RARB: variants seen among roughly 807,000 people sequenced by gnomAD.
RARB encodes the protein retinoic acid receptor beta.
A neutral mutation model predicts 51.9 loss-of-function variants in RARB; 17 were observed. That is an observed-to-expected ratio of 0.33 (90% CI 0.22 to 0.49). RARB has a LOEUF of 0.49. Ranked by LOEUF, RARB falls within the 20% of genes least tolerant of loss-of-function variation. The pLI, the probability that RARB is intolerant of heterozygous loss-of-function variation, is 0.99. For missense variants in RARB, 369 were observed against 550.8 expected (o/e 0.67, Z 3.30); for synonymous variants, 215 against 195.4 (o/e 1.10, Z -0.84).
chr3:24,849,098 C>T (rs545219455), intron 1 of RARB, among the ~76,000 whole-genome samples: 1 of 152,146 alleles, frequency 6.6e-6, no homozygotes, highest in East Asian at 1.9e-4. Flanking sequence ...GTCCCAAACT[C>T]TATATATATT....
chr3:25,488,972 A>C (rs1696598719), intron 2 of RARB, among the ~76,000 whole-genome samples: 1 of 152,192 alleles, frequency 6.6e-6, no homozygotes, highest in African/African-American at 2.4e-5. Context: ...TTATCAACTA[A>C]AGTCAGGTAT....
intron 2 of RARB, among the ~76,000 whole-genome samples, chr3:24,923,801 G>A (rs1370980947): frequency 6.6e-6 from 1 of 152,156 alleles, no homozygotes; most frequent in Non-Finnish European, 1.5e-5. Flanking sequence ...AGAGCTTGAA[G>A]AAATAACTAG....
chr3:25,365,922 C>T (rs1357496618), intron 5 of RARB, among the ~76,000 whole-genome samples: 1 of 152,216 alleles, frequency 6.6e-6, no homozygotes, highest in Non-Finnish European at 1.5e-5. Context: ...ACAACTGTGC[C>T]TCCATTCATG....
chr3:25,015,040 T>C (rs1025724596), intron 2 of RARB, among the ~76,000 whole-genome samples: 1 of 152,204 alleles, frequency 6.6e-6, no homozygotes, highest in Non-Finnish European at 1.5e-5. Context: ...TTTGAAGTGC[T>C]CGTAATCAGG....
At chr3:24,851,433 A>G (rs1019534188) in intron 1 of RARB, among the ~76,000 whole-genome samples, 20 of 152,030 alleles carry the variant, frequency 1.3e-4, no homozygotes, top group African/African-American at 4.6e-4. Context: ...GTCTCAAAAA[A>G]AAAAAAAAAA....
At chr3:25,327,160 C>T (rs1306674816) in intron 5 of RARB, among the ~76,000 whole-genome samples, 4 of 151,778 alleles carry the variant, frequency 2.6e-5, no homozygotes, top group Admixed American at 1.3e-4. Context: ...CAGCCCAGAA[C>T]GTTTAACATT....
chr3:25,049,821 G>T (rs1698290909), intron 2 of RARB, among the ~76,000 whole-genome samples: 2 of 152,184 alleles, frequency 1.3e-5, no homozygotes, highest in Non-Finnish European at 2.9e-5. Flanking sequence ...ACTTGAAACT[G>T]CCCAGTGTAC....
intron 5 of RARB, among the ~76,000 whole-genome samples, chr3:25,336,998 A>G (rs1705082638): frequency 6.6e-6 from 1 of 152,172 alleles, no homozygotes; most frequent in Admixed American, 6.6e-5. Context: ...ATAAATCGCC[A>G]TGGATGCAGT....
At chr3:24,953,087 G>T (rs956709357) in intron 2 of RARB, among the ~76,000 whole-genome samples, 1 of 152,176 alleles carries the variant, frequency 6.6e-6, no homozygotes, top group African/African-American at 2.4e-5. Context: ...GGGAGAGCTA[G>T]TAGAGAGCTG....
intron 3 of RARB, among the ~76,000 whole-genome samples, chr3:25,568,737 C>G (rs77915362): frequency 6.6e-6 from 1 of 152,222 alleles, no homozygotes; most frequent in African/African-American, 2.4e-5. Context: ...GTGCAGATTC[C>G]CAGGTCACAG....
At chr3:25,241,720 C>T (rs536827708) in intron 5 of RARB, among the ~76,000 whole-genome samples, 6 of 152,194 alleles carry the variant, frequency 3.9e-5, no homozygotes, top group South Asian at 4.1e-4. Flanking sequence ...TAACATTGAT[C>T]GGCATTTGGG....
chr3:25,592,662 G>A (rs989530900), intron 5 of RARB, among the ~76,000 whole-genome samples: 2 of 152,214 alleles, frequency 1.3e-5, no homozygotes, highest in African/African-American at 2.4e-5. Context: ...GCCCCAGGGG[G>A]CCAACAGGGT....
intron 4 of RARB, among the ~76,000 whole-genome samples, chr3:25,577,650 G>A (rs377735484): frequency 1.3e-5 from 2 of 152,242 alleles, no homozygotes; most frequent in Admixed American, 6.5e-5. Flanking sequence ...GCTGCCTCCA[G>A]TGGGATTTAA....
At chr3:25,583,603 G>C (rs1187601602) in intron 5 of RARB, among the ~76,000 whole-genome samples, 1 of 152,254 alleles carries the variant, frequency 6.6e-6, no homozygotes, top group Non-Finnish European at 1.5e-5. Context: ...AGAATCATGA[G>C]GTGAGAGCCC....
At chr3:24,864,710 T>A (rs1575042393) in intron 2 of RARB, among the ~76,000 whole-genome samples, 1 of 91,388 alleles carries the variant, frequency 1.1e-5, no homozygotes, top group African/African-American at 5.3e-5. Flanking sequence ...CCACAGCTAT[T>A]ATTTTTTAAG....
chr3:25,508,760 C>T (rs1463655698), intron 3 of RARB, among the ~76,000 whole-genome samples: 1 of 152,026 alleles, frequency 6.6e-6, no homozygotes, highest in African/African-American at 2.4e-5. Context: ...CTGAAGAGCC[C>T]CCCAAAAGTA....
chr3:25,151,611 C>G (rs904592), intron 4 of RARB, among the ~76,000 whole-genome samples: 1 of 151,992 alleles, frequency 6.6e-6, no homozygotes, highest in African/African-American at 2.4e-5. Flanking sequence ...GCATTATATG[C>G]GTGTTCTTCT....
intron 1 of RARB, among the ~76,000 whole-genome samples, chr3:25,446,554 A>G (rs1367900861): frequency 6.6e-6 from 1 of 152,210 alleles, no homozygotes; most frequent in Non-Finnish European, 1.5e-5. Flanking sequence ...CTGTAATCCC[A>G]GCACTTTGGG....
At chr3:25,254,661 G>T (rs1053189132) in intron 5 of RARB, among the ~76,000 whole-genome samples, 10 of 152,230 alleles carry the variant, frequency 6.6e-5, no homozygotes, top group Admixed American at 2.0e-4. Flanking sequence ...GGCCTTGTGG[G>T]TGTTGCAGTG....
Sources: allele counts gnomAD v4.1 joint callset (sites outside exome capture counted in the v4.1 genomes callset), GRCh38; gene constraint gnomAD v4.1.1; transcripts MANE v1.5; gene names NCBI Gene and HGNC (gene_info 2026-07-23, HGNC 2026-07-21).